Variants in DNM3 observed in about 807,000 individuals in gnomAD.
DNM3 encodes dynamin-3.
Under a neutral mutation model 101.6 loss-of-function variants are expected in DNM3, and 47 were observed. That is an observed-to-expected ratio of 0.46 (90% CI 0.37 to 0.59). The LOEUF is 0.59. Ranked by LOEUF, DNM3 falls within the 20% of genes least tolerant of loss-of-function variation. The probability of loss-of-function intolerance (pLI) is 0.00; values close to 1 mark genes in which losing one functional copy is unlikely to be tolerated. For missense variants in DNM3, 849 were observed against 1,085.7 expected, an observed-to-expected ratio of 0.78 and a Z score of 3.06; for synonymous variants, 385 against 387.9, an observed-to-expected ratio of 0.99 and a Z score of 0.09.
At chr1:172,350,530 A>G (rs140629779) in intron 17 of DNM3, among the ~76,000 whole-genome samples, 1 of 152,188 alleles carries the variant, frequency 6.6e-6, no homozygotes, top group Non-Finnish European at 1.5e-5. Flanking sequence ...GAAATTCTGT[A>G]GTTAGTTTAG....
chr1:171,887,554 A>G (rs1230307620), intron 1 of DNM3, among the ~76,000 whole-genome samples: 3 of 152,216 alleles, frequency 2.0e-5, no homozygotes, highest in African/African-American at 7.2e-5. Context: ...GTGTAGCAAA[A>G]TAACTCCATT....
chr1:172,356,292 G>A (rs546707010), intron 17 of DNM3, among the ~76,000 whole-genome samples: 2 of 152,158 alleles, frequency 1.3e-5, no homozygotes, highest in African/African-American at 2.4e-5. Flanking sequence ...AAGAATAATA[G>A]TAATGTATGG....
intron 16 of DNM3, among the ~76,000 whole-genome samples, chr1:172,318,509 T>G (rs533839432): frequency 6.6e-6 from 1 of 152,184 alleles, no homozygotes; most frequent in Non-Finnish European, 1.5e-5. Flanking sequence ...GCCCAAAATC[T>G]CCTTAAGCTG....
chr1:172,266,254 TG>T (rs1557903770), intron 15 of DNM3, among the ~76,000 whole-genome samples: 1 of 152,180 alleles, frequency 6.6e-6, no homozygotes, highest in Admixed American at 6.5e-5. Context: ...AGTTTAAATT[TG>T]TTTGAAAAAG....
chr1:172,106,571 A>G (rs2055030042), intron 13 of DNM3, among the ~76,000 whole-genome samples: 1 of 152,130 alleles, frequency 6.6e-6, no homozygotes, highest in African/African-American at 2.4e-5. Flanking sequence ...AAACTTGCAC[A>G]TGTACCCCGG....
At chr1:172,280,244 G>C (rs1010083172) in intron 15 of DNM3, among the ~76,000 whole-genome samples, 2 of 152,028 alleles carry the variant, frequency 1.3e-5, no homozygotes, top group Non-Finnish European at 2.9e-5. Context: ...ATCTAAAGAG[G>C]CACCTTCATC....
At chr1:171,917,282 G>A (rs2039789692) in intron 1 of DNM3, among the ~76,000 whole-genome samples, 1 of 152,050 alleles carries the variant, frequency 6.6e-6, no homozygotes, top group Non-Finnish European at 1.5e-5. Context: ...TTTGCTGCCG[G>A]GGGGAATTTT....
intron 14 of DNM3, among the ~76,000 whole-genome samples, chr1:172,132,113 A>T (rs1185956576): frequency 6.6e-6 from 1 of 152,186 alleles, no homozygotes; most frequent in African/African-American, 2.4e-5. Flanking sequence ...ATACTCTGTG[A>T]TAGCAAAACT....
chr1:172,116,514 AG>A (rs2055904955), intron 13 of DNM3, among the ~76,000 whole-genome samples: 1 of 152,108 alleles, frequency 6.6e-6, no homozygotes, highest in Non-Finnish European at 1.5e-5. Context: ...GGTGTTGGGG[AG>A]GGGGAACAGG....
intron 20 of DNM3, chr1:172,389,163 A>G (rs2069376360): frequency 1.4e-5 from 3 of 219,116 alleles, no homozygotes; most frequent in South Asian, 1.1e-4. Context: ...TGAGAGTTCC[A>G]TGGACTAAAG....
chr1:172,114,556 A>G (rs2055750465), intron 13 of DNM3, among the ~76,000 whole-genome samples: 1 of 152,200 alleles, frequency 6.6e-6, no homozygotes, highest in African/African-American at 2.4e-5. Context: ...CAATTTATCT[A>G]ATGAATGAGA....
At chr1:172,222,440 G>T (rs2060942429) in intron 14 of DNM3, among the ~76,000 whole-genome samples, 1 of 152,182 alleles carries the variant, frequency 6.6e-6, no homozygotes, top group Non-Finnish European at 1.5e-5. Flanking sequence ...AATATACCAA[G>T]AAGTTGGTGA....
chr1:172,175,355 GA>G (rs1212015614), intron 14 of DNM3, among the ~76,000 whole-genome samples: 1 of 151,584 alleles, frequency 6.6e-6, no homozygotes, highest in Non-Finnish European at 1.5e-5. Flanking sequence ...ATATAGCAGG[GA>G]AATCATATAT....
intron 2 of DNM3, among the ~76,000 whole-genome samples, chr1:171,986,203 T>C (rs2045243237): frequency 6.6e-6 from 1 of 152,146 alleles, no homozygotes; most frequent in South Asian, 2.1e-4. Context: ...ATTCAGTCCA[T>C]ACCCCACTTC....
chr1:172,097,969 C>T (rs1217724506), intron 13 of DNM3, among the ~76,000 whole-genome samples: 1 of 152,064 alleles, frequency 6.6e-6, no homozygotes, highest in Admixed American at 6.6e-5. Context: ...ACAGAGGTCA[C>T]GTGCTTCACA....
At chr1:172,280,826 C>T (rs1000095875) in intron 15 of DNM3, among the ~76,000 whole-genome samples, 1 of 152,116 alleles carries the variant, frequency 6.6e-6, no homozygotes, top group East Asian at 1.9e-4. Context: ...TGCATGCATA[C>T]ATGCACACAC....
intron 1 of DNM3, among the ~76,000 whole-genome samples, chr1:171,895,000 G>A (rs534916184): frequency 1.7e-4 from 26 of 152,268 alleles, no homozygotes; most frequent in Admixed American, 3.9e-4. Context: ...GTATTCCATC[G>A]TGTATATGTG....
intron 14 of DNM3, among the ~76,000 whole-genome samples, chr1:172,194,603 A>G (rs1167874115): frequency 6.6e-6 from 1 of 152,104 alleles, no homozygotes; most frequent in Non-Finnish European, 1.5e-5. Context: ...TGATCCCTGT[A>G]CCATTAGGTA....
chr1:172,024,752 G>C (rs997159979), intron 4 of DNM3, among the ~76,000 whole-genome samples: 4 of 152,206 alleles, frequency 2.6e-5, no homozygotes, highest in African/African-American at 9.7e-5. Context: ...TGTGCCTAGA[G>C]GAAGGGTGCA....
Sources: gnomAD v4.1 joint callset for allele counts (sites outside exome capture counted in the v4.1 genomes callset) on GRCh38, gnomAD v4.1.1 for gene constraint, MANE v1.5 for transcripts, NCBI Gene and HGNC (gene_info 2026-07-23, HGNC 2026-07-21) for gene names.